Variants in CACNA1C observed in about 807,000 individuals in gnomAD.
CACNA1C encodes the protein voltage-dependent L-type calcium channel subunit alpha-1C.
Under a neutral mutation model 229.0 loss-of-function variants are expected in CACNA1C, and 30 were observed. The observed-to-expected ratio is 0.13, with a 90% CI of 0.10 to 0.18. The LOEUF (loss-of-function observed/expected upper bound fraction) is 0.18. CACNA1C is among the 10% of genes least tolerant of loss of function. The pLI, the probability that CACNA1C is intolerant of heterozygous loss-of-function variation, is 1.00. For synonymous variants in CACNA1C, 1,114 were observed against 1,132.5 expected (o/e 0.98, Z 0.33); for missense variants, 1,658 against 2,845.0 (o/e 0.58, Z 9.49).
At chr12:2,019,574 AGAAAG>A (rs1006917466) in intron 1 of CACNA1C, among the ~76,000 whole-genome samples, 17 of 116,918 alleles carry the variant, frequency 1.5e-4, no homozygotes, top group African/African-American at 6.2e-4. Context: ...AGGAAAGAAA[AGAAAG>A]AGAGAGAGAA....
chr12:2,452,715 C>T (rs2099390147), intron 4 of CACNA1C, among the ~76,000 whole-genome samples: 3 of 152,356 alleles, frequency 2.0e-5, no homozygotes, highest in Non-Finnish European at 4.4e-5. Flanking sequence ...TAAAGAGTCT[C>T]AACTTGAGGC....
chr12:2,507,206 C>T (rs1210200241), intron 8 of CACNA1C, among the ~76,000 whole-genome samples: 1 of 152,214 alleles, frequency 6.6e-6, no homozygotes, highest in Non-Finnish European at 1.5e-5. Flanking sequence ...GTTCTGAGAG[C>T]TGCCGTCTGC....
chr12:2,557,209 C>T (rs981647398), intron 11 of CACNA1C, among the ~76,000 whole-genome samples: 6 of 152,210 alleles, frequency 3.9e-5, no homozygotes, highest in African/African-American at 1.4e-4. Flanking sequence ...ATCTTTTTGG[C>T]AGCACAGTCC....
At chr12:2,390,566 C>T (rs1366163919) in intron 3 of CACNA1C, among the ~76,000 whole-genome samples, 1 of 152,092 alleles carries the variant, frequency 6.6e-6, no homozygotes, top group Non-Finnish European at 1.5e-5. Flanking sequence ...TAAGTAATAG[C>T]TTTATGGACG....
At chr12:2,523,778 AG>A (rs1179546664) in intron 9 of CACNA1C, among the ~76,000 whole-genome samples, 1 of 152,206 alleles carries the variant, frequency 6.6e-6, no homozygotes, top group Non-Finnish European at 1.5e-5. Context: ...AGCTCAGCAG[AG>A]GGATGGAAGG....
At chr12:2,437,920 GGTA>G (rs1022870922) in intron 3 of CACNA1C, among the ~76,000 whole-genome samples, 5 of 151,222 alleles carry the variant, frequency 3.3e-5, no homozygotes, top group South Asian at 4.2e-4. Context: ...TAGTAGAGAT[GGTA>G]GTGGTGGTGG....
intron 3 of CACNA1C, among the ~76,000 whole-genome samples, chr12:2,436,006 G>A (rs2099131119): frequency 1.3e-5 from 2 of 152,194 alleles, no homozygotes. Flanking sequence ...AGTCCAGCTG[G>A]CCTGGCTGTG....
intron 3 of CACNA1C, among the ~76,000 whole-genome samples, chr12:2,192,033 C>T (rs1324222401): frequency 6.7e-6 from 1 of 148,800 alleles, no homozygotes; most frequent in Non-Finnish European, 1.5e-5. Flanking sequence ...TACACGCACT[C>T]ACACATACAG....
rs2048713534 is a variant in CACNA1C, at chr12:2,034,229, T to TCA, written c.139+63028_139+63029insCA. ...CTCGCCCAAACTCACATGCTTAGTG[T>TCA]GGGAAAGTTAAGATTTTGCCACATC... is the stretch of plus-strand genomic sequence containing the variant. On this transcript the variant is annotated intron_variant, in intron 1 of 46. Transcript: ENST00000682462. The surrounding 1 kb of genome is among the most constrained non-coding windows in gnomAD (Gnocchi z 4.1). 6.6e-6 allele frequency among the ~76,000 whole-genome samples: 1 copy of TCA among 152,172 alleles called. No individual in the cohort carries two copies. Among genetic ancestry groups the TCA allele is most frequent in the African/African-American group, 2.4e-5 (1 of 41,434 alleles).
chr12:2,250,520 A>G (rs538847415), intron 3 of CACNA1C, among the ~76,000 whole-genome samples: 46 of 152,306 alleles, frequency 3.0e-4, no homozygotes, highest in African/African-American at 1.1e-3. Context: ...CTTCATAGCA[A>G]CTACTCAGGG....
chr12:1,986,827 C>T (rs1307017686), intron 1 of CACNA1C, among the ~76,000 whole-genome samples: 1 of 152,052 alleles, frequency 6.6e-6, no homozygotes, highest in Non-Finnish European at 1.5e-5. Context: ...TTTCAGAGGC[C>T]CCAGTTAGTT....
At chr12:2,399,848 A>G (rs892107062) in intron 3 of CACNA1C, among the ~76,000 whole-genome samples, 24 of 152,186 alleles carry the variant, frequency 1.6e-4, no homozygotes, top group African/African-American at 4.8e-4. Flanking sequence ...ACTACTCACA[A>G]TGACCTCAGA....
chr12:2,644,510 C>A (rs950593848), intron 30 of CACNA1C, among the ~76,000 whole-genome samples: 1 of 152,134 alleles, frequency 6.6e-6, no homozygotes, highest in Non-Finnish European at 1.5e-5. Context: ...TGGTGAAGAG[C>A]TATTTTTCAA....
intron 1 of CACNA1C, among the ~76,000 whole-genome samples, chr12:2,055,659 G>T (rs2054411603): frequency 6.6e-6 from 1 of 152,204 alleles, no homozygotes. Context: ...GCGGCTGAGA[G>T]CTCTACCTTT....
At chr12:2,327,648 G>C (rs910642087) in intron 3 of CACNA1C, among the ~76,000 whole-genome samples, 1 of 152,212 alleles carries the variant, frequency 6.6e-6, no homozygotes, top group Non-Finnish European at 1.5e-5. Flanking sequence ...GAACCTGATT[G>C]GCTAAGCTTA....
At chr12:2,584,431 C>T in intron 15 of CACNA1C, 72 bp from the exon 16 acceptor site, 1 of 1,046,096 alleles carries the variant, frequency 9.6e-7, no homozygotes, top group East Asian at 2.4e-5. Context: ...GCACGCCCCA[C>T]ATCCCCCGTG....
At position 2,585,362 on chromosome 12, in the gene CACNA1C, T is replaced by C. The variant is rs1202295760; in HGVS notation, c.2340-14T>C. 2 of 1,610,194 alleles carry C rather than the reference T, an allele frequency of 1.2e-6. No individual in the cohort carries two copies. The highest frequency in any genetic ancestry group is 4.5e-5 in the East Asian group (2 of 44,862). On this transcript the variant is annotated splice_polypyrimidine_tract_variant and intron_variant, in intron 16 of 46. Transcript: ENST00000399655. The surrounding 1 kb of genome is among the most constrained non-coding windows in gnomAD (Gnocchi z 4.1). ...TAAACAGCCATTTATTTTTTTCTGC[T>C]GCTGACTGGCCAGGACTGCCAGCCC...
At position 2,493,402 on chromosome 12, in the gene CACNA1C, G is replaced by A. The variant is rs774918849; in HGVS notation, c.1113+16G>A. 6.3e-7 allele frequency: 1 copy of A among 1,597,160 alleles called. No homozygotes were observed. Among genetic ancestry groups the A allele is most frequent in the Non-Finnish European group, 8.6e-7 (1 of 1,165,566 alleles). ...GCTGTACTGGGTACGTAGCATGAGT[G>A]GGCAGTCAGAGGGTGGGGGAACAGC... On this transcript the variant is annotated intron_variant, in intron 7 of 46. Transcript: ENST00000399655. This position sits in a 1 kb window ranked among gnomAD's most constrained non-coding sequence, Gnocchi z 4.6.
chr12:2,611,866 G>T (rs1344615331), intron 28 of CACNA1C, 37 bp from the exon 29 acceptor site: 2 of 1,344,366 alleles, frequency 1.5e-6, no homozygotes, highest in Admixed American at 3.4e-5. Context: ...CGACCTCCCT[G>T]CCCCGTGTTC....
Sources: gnomAD v4.1 joint callset for allele counts (sites outside exome capture counted in the v4.1 genomes callset) on GRCh38, gnomAD v4.1.1 for gene constraint, Gnocchi (gnomAD v3.1) non-coding constraint, MANE v1.5 for transcripts, NCBI Gene and HGNC (gene_info 2026-07-23, HGNC 2026-07-21) for gene names.